The following PLTP variants were observed in gnomAD, a reference collection of about 807,000 sequenced individuals.
PLTP encodes the protein phospholipid transfer protein.
A neutral mutation model predicts 54.1 loss-of-function variants in PLTP; 43 were observed. The ratio of observed to expected loss-of-function variants is 0.79; its 90% CI spans 0.62 to 1.02. The LOEUF is 1.02. Among genes scored for constraint, PLTP ranks in the 50% least tolerant of loss-of-function variants. PLTP has a pLI of 0.00. For synonymous variants in PLTP, 263 were observed against 264.6 expected, an observed-to-expected ratio of 0.99 and a Z score of 0.06; for missense variants, 604 against 645.9, an observed-to-expected ratio of 0.94 and a Z score of 0.70.
At position 45,899,010 on chromosome 20, in the gene PLTP, C is replaced by T. The variant is rs371314471; in HGVS notation, c.1413G>A (p.Val471=). 1.2e-6 allele frequency: 2 copies of T among 1,614,070 alleles called. No homozygotes were observed. The highest frequency in any genetic ancestry group is 2.7e-5 in the African/African-American group (2 of 74,920). The change falls in exon 16 of 16, where the codon GTG becomes GTA. Residue 471 remains valine, a synonymous_variant. Transcript: ENST00000372431. ...DLHFAKGLRE[V]IEKNRPADVR... is the part of the protein sequence containing the mutation. Reference sequence around the variant, plus strand: ...CATCAGCAGGCCGGTTCTTCTCAATCACCTCTCGCAGCCCTTTGGCAAAGT... The same window carrying T: ...CATCAGCAGGCCGGTTCTTCTCAATTACCTCTCGCAGCCCTTTGGCAAAGT...
intron 8 of PLTP, among the ~76,000 whole-genome samples, chr20:45,905,444 A>T (rs1218525135): frequency 6.6e-6 from 1 of 152,138 alleles, no homozygotes; most frequent in Non-Finnish European, 1.5e-5. Flanking sequence ...TTTGCCAAGT[A>T]CTCTAAGCTC....
At position 45,908,535 on chromosome 20, in the gene PLTP, C is replaced by T. The variant is rs754577501; in HGVS notation, c.486-631G>A. 2.0e-5 allele frequency among the ~76,000 whole-genome samples: 3 copies of T among 152,328 alleles called. No individual in the cohort carries two copies. In the South Asian group the frequency reaches 6.2e-4, roughly 32 times the overall value. ...AAAAAATAGGCCGGGCACAGTTGCT[C>T]AGGCCTGTAATCCCAGCACTTTGGT... On this transcript the variant is annotated intron_variant, in intron 5 of 15. Transcript: ENST00000372431.
Position 45,910,071 on chromosome 20 carries a change from C to T in PLTP, c.201-1G>A. ...CAGTTGCAGCTCTGTGACCTTCACC[C>T]TACAGGAGGCCTCAGGGTCAGATCC... On this transcript the variant is annotated splice_acceptor_variant, in intron 3 of 15. Coordinates refer to ENST00000372431, the MANE Select transcript of PLTP (RefSeq NM_006227.4). LOFTEE classifies it high-confidence loss of function. The T allele has an allele frequency of 6.2e-7, 1 of 1,613,808 alleles. No individual in the cohort carries two copies. Among genetic ancestry groups the T allele is most frequent in the East Asian group, 2.2e-5 (1 of 44,874 alleles).
chr20:45,911,132 A>T lies in PLTP; in HGVS notation c.200+20T>A, dbSNP rs2083286185. On this transcript the variant is annotated intron_variant, in intron 3 of 15. Coordinates refer to ENST00000372431, the MANE Select transcript of PLTP (RefSeq NM_006227.4). Reference sequence around the variant, plus strand: ...CGCCGAGGCCCCGCCCCGGATCGCGAGGCCCCGCCCCCCACTTACTCAGAG... The same window carrying T: ...CGCCGAGGCCCCGCCCCGGATCGCGTGGCCCCGCCCCCCACTTACTCAGAG... 2 of 1,610,048 alleles carry T rather than the reference A, an allele frequency of 1.2e-6. No individual in the cohort carries two copies. Among genetic ancestry groups the T allele is most frequent in the African/African-American group, 1.3e-5 (1 of 74,728 alleles).
intron 10 of PLTP, among the ~76,000 whole-genome samples, 172 bp downstream of exon 10, chr20:45,904,628 A>G (rs1443911268): frequency 6.6e-6 from 1 of 150,690 alleles, no homozygotes; most frequent in Non-Finnish European, 1.5e-5. Context: ...AAGGAGCAGG[A>G]AGGAGCAGAC....
At chr20:45,903,092 G>A (rs1485487632) in intron 10 of PLTP, among the ~76,000 whole-genome samples, 2 of 152,198 alleles carry the variant, frequency 1.3e-5, no homozygotes, top group African/African-American at 2.4e-5. Flanking sequence ...TAATAGAAAC[G>A]GGGTTTCGCC....
chr20:45,909,913 C>G, intron 4 of PLTP, 29 bp downstream of exon 4: 1 of 1,613,624 alleles, frequency 6.2e-7, no homozygotes, highest in Non-Finnish European at 8.5e-7. Context: ...GACCCACTCT[C>G]CACTCCCCTG....
chr20:45,909,494 T>G (rs2083269721), intron 5 of PLTP, 22 bp downstream of exon 5: 1 of 1,613,630 alleles, frequency 6.2e-7, no homozygotes, highest in African/African-American at 1.3e-5. Context: ...AAGGGTGAGC[T>G]GGGGTTGGGG....
intron 12 of PLTP, among the ~76,000 whole-genome samples, chr20:45,900,385 G>T (rs570777178): frequency 6.6e-6 from 1 of 151,968 alleles, no homozygotes; most frequent in Non-Finnish European, 1.5e-5. Context: ...GATTACAGGC[G>T]TGAGCCACCA....
intron 12 of PLTP, among the ~76,000 whole-genome samples, chr20:45,900,673 G>A (rs1335657907): frequency 3.9e-5 from 6 of 151,938 alleles, no homozygotes; most frequent in South Asian, 2.1e-4. Flanking sequence ...GACCACAGGC[G>A]TGCATCACTA....
intron 10 of PLTP, among the ~76,000 whole-genome samples, chr20:45,904,276 C>T (rs993133401): frequency 6.6e-6 from 1 of 152,090 alleles, no homozygotes; most frequent in Non-Finnish European, 1.5e-5. Flanking sequence ...ACAGCCTGAG[C>T]AACATAATGA....
chr20:45,909,573 T>C lies in PLTP; in HGVS notation c.428A>G (p.Asn143Ser), dbSNP rs745406242. 6 of 1,614,060 alleles carry C rather than the reference T, an allele frequency of 3.7e-6. No homozygotes were observed. Among genetic ancestry groups the C allele is most frequent in the African/African-American group, 1.3e-5 (1 of 74,928 alleles). ...GGAGACAGAGGCCTGGCAGGAGACA[T>C]TGGACACTTTCATCCGTCCAGCGGG... The part of the protein sequence containing the change: ...RDPAGRMKVS[N>S]VSCQASVSRM... The change falls in exon 5 of 16, where the codon AAT becomes AGT. Residue 143 changes from asparagine to serine, a missense_variant. By Grantham distance (46) the Asn-to-Ser change is conservative. Coordinates refer to ENST00000372431, the MANE Select transcript of PLTP (RefSeq NM_006227.4).
chr20:45,900,280 G>A (rs429207), intron 12 of PLTP, among the ~76,000 whole-genome samples: 23,701 of 150,850 alleles, frequency 0.16, 2,951 homozygotes, highest in African/African-American at 0.31. Context: ...AATTTTTTGT[G>A]TTTTTAGTAG....
rs557105997 is a variant in PLTP, at chr20:45,904,787, C to T, written c.942+13G>A. On this transcript the variant is annotated intron_variant, in intron 10 of 15. Coordinates refer to ENST00000372431, the MANE Select transcript of PLTP (RefSeq NM_006227.4). Reference sequence around the variant, plus strand: ...GTGCAGGTGGCCCTATCCCTGCCCCCGCCAGCACTCACCAGCAGGACAATG... The same window carrying T: ...GTGCAGGTGGCCCTATCCCTGCCCCTGCCAGCACTCACCAGCAGGACAATG... The T allele has an allele frequency of 1.4e-5, 22 of 1,614,082 alleles. No individual in the cohort carries two copies. Among genetic ancestry groups the T allele is most frequent in the Middle Eastern group, 1.7e-4 (1 of 6,054 alleles).
Position 45,899,689 on chromosome 20 carries a change from G to A in PLTP, c.1219-4C>T. 4 of 1,614,208 alleles carry A rather than the reference G, an allele frequency of 2.5e-6. No homozygotes were observed. Among genetic ancestry groups the A allele is most frequent in the East Asian group, 4.5e-5 (2 of 44,890 alleles). On this transcript the variant is annotated splice_polypyrimidine_tract_variant and splice_region_variant and intron_variant, in intron 13 of 15. Coordinates refer to ENST00000372431, the MANE Select transcript of PLTP (RefSeq NM_006227.4). Reference sequence around the variant, plus strand: ...GAGGGGCCTGTAATGGGATCAGCTGGGAGGGGCGAGGGCGGAAACAGGGCA... The same window carrying A: ...GAGGGGCCTGTAATGGGATCAGCTGAGAGGGGCGAGGGCGGAAACAGGGCA...
rs1192821234 is a variant in PLTP at position 45,909,989 on chromosome 20, A to G, written c.282T>C (p.Asn94=). The G allele has an allele frequency of 6.2e-7, 1 of 1,613,968 alleles. No homozygotes were observed. Among genetic ancestry groups the G allele is most frequent in the Non-Finnish European group, 8.5e-7 (1 of 1,179,996 alleles). ...PQQELMLQIT[N]ASLGLRFRRQ... Reference sequence around the variant, plus strand: ...TCCGGAAGCGCAGCCCCAAGGAGGCATTGGTGATTTGAAGCATCAGCTCCT... The same window carrying G: ...TCCGGAAGCGCAGCCCCAAGGAGGCGTTGGTGATTTGAAGCATCAGCTCCT... The change falls in exon 4 of 16, where the codon AAT becomes AAC. Residue 94 remains asparagine, a synonymous_variant. Coordinates refer to ENST00000372431, the MANE Select transcript of PLTP (RefSeq NM_006227.4).
chr20:45,911,672 T>C, intron 1 of PLTP: 1 of 665,068 alleles, frequency 1.5e-6, no homozygotes, highest in South Asian at 1.9e-5. Context: ...CCAGAGGATT[T>C]GGGACACGGG....
chr20:45,907,860 C>T lies in PLTP; in HGVS notation c.530G>A (p.Arg177His), dbSNP rs546592737. ...CCACACCTGCTGGTTGAGGAGGAAG[C>T]GCATCCCTGAGGTGATGAACGTGGA... is the stretch of plus-strand genomic sequence containing the variant. Reference protein sequence around the residue: ...FLSTFITSGMRFLLNQQICPV... With the variant: ...FLSTFITSGMHFLLNQQICPV... Residue 177 changes from arginine (R) to histidine (H), a missense_variant, in exon 6 of 16, where the codon CGC becomes CAC. Physicochemically the swap from Arg to His is conservative, Grantham distance 29. Transcript: ENST00000372431. The T allele has an allele frequency of 1.9e-5, 30 of 1,597,562 alleles. No homozygotes were observed. The highest frequency in any genetic ancestry group is 1.6e-4 in the East Asian group (7 of 44,474).
intron 4 of PLTP, 55 bp from the exon 5 acceptor site, chr20:45,909,726 C>A: frequency 6.3e-7 from 1 of 1,581,602 alleles, no homozygotes; most frequent in Non-Finnish European, 8.7e-7. Flanking sequence ...GTCTTCAGTG[C>A]CCCCATGCAT....
Sources: allele counts gnomAD v4.1 joint callset (sites outside exome capture counted in the v4.1 genomes callset), GRCh38; gene constraint gnomAD v4.1.1; transcripts MANE v1.5; gene names NCBI Gene and HGNC (gene_info 2026-07-23, HGNC 2026-07-21).